Variants in TMCC1 observed in about 807,000 individuals in gnomAD.
TMCC1 encodes the protein transmembrane and coiled-coil domains protein 1.
Under a neutral mutation model 52.4 loss-of-function variants are expected in TMCC1, and 15 were observed. The observed-to-expected ratio is 0.29, with a 90% CI of 0.19 to 0.44. The LOEUF is 0.44. Among genes scored for constraint, TMCC1 ranks in the 20% least tolerant of loss-of-function variants. TMCC1 has a pLI of 1.00. For synonymous variants in TMCC1, 279 were observed against 301.9 expected (o/e 0.92, Z 0.79); for missense variants, 503 against 806.0 (o/e 0.62, Z 4.55).
At position 129,651,134 on chromosome 3, in the gene TMCC1, C is replaced by CT. The variant is rs754133541; in HGVS notation, c.*346dup. Reference sequence around the variant, plus strand: ...GTTTGCCCTCATCAGGTTTTCGCATCTTTTTAGTGGGTTTTAGTGCAGTCC... The same window carrying CT: ...GTTTGCCCTCATCAGGTTTTCGCATCTTTTTTAGTGGGTTTTAGTGCAGTCC... On this transcript the variant is annotated 3_prime_UTR_variant, in exon 7 of 7. Coordinates refer to ENST00000393238, the MANE Select transcript of TMCC1 (RefSeq NM_001017395.5). This position sits in a 1 kb window ranked among gnomAD's most constrained non-coding sequence, Gnocchi z 5.1. 2 of 215,960 alleles carry CT rather than the reference C, an allele frequency of 9.3e-6. No individual in the cohort carries two copies. Among genetic ancestry groups the CT allele is most frequent in the Non-Finnish European group, 1.9e-5 (2 of 106,776 alleles). The allele number at this position is 215,960 out of a possible 1,614,324, so 13.4% of individuals were successfully genotyped here.
At chr3:129,656,296 T>C (rs2086664256) in intron 5 of TMCC1, among the ~76,000 whole-genome samples, 1 of 152,212 alleles carries the variant, frequency 6.6e-6, no homozygotes, top group Non-Finnish European at 1.5e-5. Flanking sequence ...GAAACCTCTC[T>C]GTCAGGCAGA....
intron 4 of TMCC1, among the ~76,000 whole-genome samples, chr3:129,710,428 C>T (rs1429356266): frequency 6.6e-6 from 1 of 152,010 alleles, no homozygotes; most frequent in Non-Finnish European, 1.5e-5. Flanking sequence ...CTCCCAAGTA[C>T]CTGGGACTAC....
rs2058757340 is a variant in TMCC1 at position 129,828,532 on chromosome 3, A to G, written c.-130-24T>C. On this transcript the variant is annotated intron_variant, in intron 3 of 6. Transcript: ENST00000393238. This position sits in a 1 kb window ranked among gnomAD's most constrained non-coding sequence, Gnocchi z 4.1. ...ATCTAATGTTAAAAACAAAAAAACA[A>G]AAAAACAAAAAAAAAACCTTATATT... 4.6e-6 allele frequency: 3 copies of G among 646,408 alleles called. No individual in the cohort carries two copies. Among genetic ancestry groups the G allele is most frequent in the Non-Finnish European group, 7.6e-6 (3 of 394,198 alleles). The allele number at this position is 646,408 out of a possible 1,614,324, so 40.0% of individuals were successfully genotyped here. A position where few individuals can be genotyped will look rare whatever the true frequency, so the allele number is the denominator to read the frequency against.
intron 4 of TMCC1, among the ~76,000 whole-genome samples, chr3:129,722,696 T>C (rs62265565): frequency 6.6e-6 from 1 of 152,162 alleles, no homozygotes; most frequent in Non-Finnish European, 1.5e-5. Flanking sequence ...GGCTCTCCTA[T>C]GAATCCTTTC....
At position 129,651,629 on chromosome 3, in the gene TMCC1, G is replaced by A; in HGVS notation, c.1814C>T (p.Ser605Phe). ...GGGGACCACACAGTTGGCTACAGTG[G>A]AGACAAAGACCAAAAGGACTGCCAT... ...AVMAVLLVFV[S>F]TVANCVVPLM... Residue 605 changes from serine to phenylalanine, a missense_variant, in exon 7 of 7, where the codon TCC becomes TTC. Coordinates refer to ENST00000393238, the MANE Select transcript of TMCC1 (RefSeq NM_001017395.5). The surrounding 1 kb of genome is among the most constrained non-coding windows in gnomAD (Gnocchi z 5.1). The A allele has an allele frequency of 1.2e-6, 2 of 1,614,222 alleles. No homozygotes were observed. Among genetic ancestry groups the A allele is most frequent in the Non-Finnish European group, 1.7e-6 (2 of 1,180,024 alleles).
chr3:129,853,754 T>G (rs185789117), intron 2 of TMCC1, among the ~76,000 whole-genome samples: 3 of 152,158 alleles, frequency 2.0e-5, no homozygotes, highest in Admixed American at 6.5e-5. Flanking sequence ...ACCTGAAGAT[T>G]GATACATCTA....
chr3:129,806,088 T>C (rs1270056706), intron 4 of TMCC1, among the ~76,000 whole-genome samples: 2 of 152,208 alleles, frequency 1.3e-5, no homozygotes, highest in East Asian at 1.9e-4. Flanking sequence ...GTGAGATTCC[T>C]AGTGATTTAT....
chr3:129,732,208 C>T (rs1044405174), intron 4 of TMCC1, among the ~76,000 whole-genome samples: 2 of 152,044 alleles, frequency 1.3e-5, no homozygotes, highest in Non-Finnish European at 2.9e-5. Context: ...TCTTTCTTTC[C>T]AATTTGTATG....
At chr3:129,878,969 A>G (rs1239876813) in intron 2 of TMCC1, among the ~76,000 whole-genome samples, 2 of 152,132 alleles carry the variant, frequency 1.3e-5, no homozygotes, top group African/African-American at 4.8e-5. Context: ...CTCTTCTCAT[A>G]TATGTGTATG....
intron 4 of TMCC1, among the ~76,000 whole-genome samples, chr3:129,711,116 A>C (rs1400135644): frequency 1.3e-5 from 2 of 152,158 alleles, no homozygotes; most frequent in Non-Finnish European, 2.9e-5. Context: ...CGCCCGCCTC[A>C]GCCTCCCAAA....
intron 4 of TMCC1, among the ~76,000 whole-genome samples, chr3:129,775,879 T>C (rs1350023700): frequency 6.6e-6 from 1 of 152,226 alleles, no homozygotes; most frequent in African/African-American, 2.4e-5. Flanking sequence ...AGATTCCCTA[T>C]TTAAACCCAT....
In TMCC1 at chr3:129,870,554, A is replaced by G. The variant is rs1489758258; in HGVS notation, c.-184+9755T>C. 2.0e-5 allele frequency among the ~76,000 whole-genome samples: 3 copies of G among 151,684 alleles called. No homozygotes were observed. In the East Asian group the frequency reaches 5.8e-4, roughly 29 times the overall value. Reference sequence around the variant, plus strand: ...GGAGATCGAGATCATCCTGGCTAACATGGTGAAACCCCATCTCCACTAAAA... The same window carrying G: ...GGAGATCGAGATCATCCTGGCTAACGTGGTGAAACCCCATCTCCACTAAAA... On this transcript the variant is annotated intron_variant, in intron 2 of 6. Transcript: ENST00000393238.
intron 4 of TMCC1, among the ~76,000 whole-genome samples, chr3:129,746,595 A>G (rs1020436737): frequency 2.3e-4 from 35 of 152,230 alleles, no homozygotes; most frequent in African/African-American, 8.0e-4. Context: ...TCACTTGTGC[A>G]TTTGAATAAT....
intron 2 of TMCC1, among the ~76,000 whole-genome samples, chr3:129,846,666 T>A (rs1417700678): frequency 6.6e-6 from 1 of 151,944 alleles, no homozygotes; most frequent in Admixed American, 6.6e-5. Flanking sequence ...ACTAACCCAG[T>A]AATAGGAAAT....
At chr3:129,697,005 T>C (rs1192508433) in intron 4 of TMCC1, among the ~76,000 whole-genome samples, 1 of 152,152 alleles carries the variant, frequency 6.6e-6, no homozygotes, top group Non-Finnish European at 1.5e-5. Flanking sequence ...AGGTGCACAG[T>C]GGAAGCTGTC....
rs192645172 is a variant in TMCC1, at chr3:129,707,983, T to A, written c.577-36719A>T. On this transcript the variant is annotated intron_variant, in intron 4 of 6. Transcript: ENST00000393238. ...ACTGCTAAAGCTTTACAGGATATTA[T>A]AGAATTTGTAAAGCACTAAGGTAGA... Among the ~76,000 whole-genome samples, 137 of 149,288 alleles carry A rather than the reference T, an allele frequency of 9.2e-4. 3 individuals carry two copies. The highest frequency in any genetic ancestry group is 1.0e-4 in the Non-Finnish European group (7 of 67,204).
chr3:129,740,649 C>T (rs1033346528), intron 4 of TMCC1, among the ~76,000 whole-genome samples: 2 of 152,136 alleles, frequency 1.3e-5, no homozygotes, highest in South Asian at 4.2e-4. Context: ...GGCCCTTTAT[C>T]GGTGGGGTGA....
intron 4 of TMCC1, among the ~76,000 whole-genome samples, chr3:129,709,054 G>A (rs1378883433): frequency 1.3e-5 from 2 of 152,102 alleles, no homozygotes; most frequent in East Asian, 3.8e-4. Context: ...GCTGAAATTT[G>A]TCTATTTTTC....
intron 2 of TMCC1, chr3:129,857,495 A>G (rs905099189): frequency 2.6e-5 from 4 of 152,222 alleles, no homozygotes; most frequent in Non-Finnish European, 5.9e-5. Flanking sequence ...ATAGATTTAG[A>G]TACCTCTTTT....
Sources: allele counts gnomAD v4.1 joint callset (sites outside exome capture counted in the v4.1 genomes callset), GRCh38; gene constraint gnomAD v4.1.1; non-coding constraint Gnocchi (gnomAD v3.1); transcripts MANE v1.5; gene names NCBI Gene and HGNC (gene_info 2026-07-23, HGNC 2026-07-21).